Variants in PPARGC1A observed in about 807,000 individuals in gnomAD.
PPARGC1A encodes the protein PPARG coactivator 1 alpha.
A neutral mutation model predicts 88.7 loss-of-function variants in PPARGC1A; 25 were observed. The observed-to-expected ratio is 0.28, with a 90% CI of 0.21 to 0.39. The LOEUF (loss-of-function observed/expected upper bound fraction) is 0.39. Ranked by LOEUF, PPARGC1A falls within the 10% of genes least tolerant of loss-of-function variation. The pLI, the probability that PPARGC1A is intolerant of heterozygous loss-of-function variation, is 1.00. For synonymous variants in PPARGC1A, 363 were observed against 355.6 expected (o/e 1.02, Z -0.24); for missense variants, 880 against 968.7 (o/e 0.91, Z 1.22).
the PPARGC1A span, among the ~76,000 whole-genome samples, chr4:24,457,255 G>C: frequency 6.6e-6 from 1 of 152,168 alleles, no homozygotes; most frequent in Non-Finnish European, 1.5e-5. Flanking sequence ...CAGATGTGGG[G>C]AGGGAGAGTT....
At chr4:23,946,562 GAACTTA>G in the PPARGC1A span, among the ~76,000 whole-genome samples, 123,008 of 151,252 alleles carry the variant, frequency 0.81, 50,419 homozygotes, top group African/African-American at 0.84. Flanking sequence ...GGTGTGCCAG[GAACTTA>G]AACTTGACAG....
chr4:24,272,946 A>C, the PPARGC1A span, among the ~76,000 whole-genome samples: 1 of 152,240 alleles, frequency 6.6e-6, no homozygotes, highest in Non-Finnish European at 1.5e-5. Flanking sequence ...ATGCCAAATC[A>C]ATTAAAAACC....
At chr4:23,820,464 C>T (rs915175988) in intron 7 of PPARGC1A, 11 of 245,418 alleles carry the variant, frequency 4.5e-5, no homozygotes, top group South Asian at 3.7e-4. Context: ...TGGTTTAAAC[C>T]GTCACCTTGT....
At chr4:24,229,100 C>G in the PPARGC1A span, among the ~76,000 whole-genome samples, 1 of 146,428 alleles carries the variant, frequency 6.8e-6, no homozygotes, top group African/African-American at 2.5e-5. Context: ...CTGGGCCCCA[C>G]TTCCAGAAAT....
the PPARGC1A span, among the ~76,000 whole-genome samples, chr4:24,208,540 G>A: frequency 6.6e-6 from 1 of 151,778 alleles, no homozygotes; most frequent in Non-Finnish European, 1.5e-5. Flanking sequence ...AAATACACAC[G>A]TTTACTGACT....
At chr4:24,380,672 T>G in the PPARGC1A span, among the ~76,000 whole-genome samples, 4 of 152,092 alleles carry the variant, frequency 2.6e-5, no homozygotes, top group Non-Finnish European at 5.9e-5. Context: ...GGAGGATCCA[T>G]GGAAACAGAA....
At chr4:24,261,801 T>G in the PPARGC1A span, among the ~76,000 whole-genome samples, 1 of 152,184 alleles carries the variant, frequency 6.6e-6, no homozygotes, top group African/African-American at 2.4e-5. Flanking sequence ...CATGTCAATT[T>G]TTTTTCCTCC....
chr4:24,160,920 G>A, the PPARGC1A span, among the ~76,000 whole-genome samples: 1 of 152,258 alleles, frequency 6.6e-6, no homozygotes, highest in East Asian at 1.9e-4. Context: ...TTGGCTGAAG[G>A]CTTCAGAGGC....
the PPARGC1A span, among the ~76,000 whole-genome samples, chr4:24,073,233 G>A: frequency 6.6e-6 from 1 of 151,956 alleles, no homozygotes; most frequent in African/African-American, 2.4e-5. Context: ...TGGTAGAGAT[G>A]GGCTTTTCCC....
the PPARGC1A span, among the ~76,000 whole-genome samples, chr4:24,101,898 T>C: frequency 6.7e-6 from 1 of 150,250 alleles, no homozygotes; most frequent in Non-Finnish European, 1.5e-5. Flanking sequence ...GAAAAACACA[T>C]CCACGCCCTC....
the PPARGC1A span, among the ~76,000 whole-genome samples, chr4:24,328,857 T>G: frequency 6.6e-6 from 1 of 152,192 alleles, no homozygotes; most frequent in Admixed American, 6.5e-5. Flanking sequence ...CATGAACTGG[T>G]TAGTGCAGGT....
chr4:23,856,280 T>C (rs574476569), intron 2 of PPARGC1A, among the ~76,000 whole-genome samples: 8 of 152,322 alleles, frequency 5.3e-5, no homozygotes, highest in Admixed American at 2.6e-4. Flanking sequence ...AAGAATTCTC[T>C]GTGCTTATAT....
At position 23,813,111 on chromosome 4, in the gene PPARGC1A, T is replaced by C; in HGVS notation, c.1808A>G (p.Tyr603Cys). Reference sequence around the variant, plus strand: ...GCGGTGTCTGTAGTGGCTTGACTCATAGTAATAGCAGGATCTGCGCCAGAG... The same window carrying C: ...GCGGTGTCTGTAGTGGCTTGACTCACAGTAATAGCAGGATCTGCGCCAGAG... ...SRSSSRSCYY[Y>C]ESSHYRHRTH... The change falls in exon 9 of 13, where the codon TAT (tyrosine) becomes TGT (cysteine). Residue 603 changes from tyrosine to cysteine, a missense_variant. Transcript: ENST00000264867. The C allele has an allele frequency of 1.2e-6, 2 of 1,614,004 alleles. No homozygotes were observed. The highest frequency in any genetic ancestry group is 1.3e-5 in the African/African-American group (1 of 75,014).
intron 2 of PPARGC1A, among the ~76,000 whole-genome samples, chr4:23,846,855 GT>G (rs1307101816): frequency 2.6e-5 from 4 of 152,154 alleles, no homozygotes; most frequent in African/African-American, 9.7e-5. Context: ...TTGTATTTAT[GT>G]AAAGCCAAAA....
intron 2 of PPARGC1A, among the ~76,000 whole-genome samples, chr4:23,874,427 G>C (rs978211665): frequency 3.3e-5 from 5 of 152,146 alleles, no homozygotes; most frequent in Non-Finnish European, 7.3e-5. Flanking sequence ...GCTGACACTG[G>C]TTTGTATTTA....
the PPARGC1A span, among the ~76,000 whole-genome samples, chr4:24,462,725 A>G: frequency 1.3e-5 from 2 of 150,874 alleles, no homozygotes; most frequent in Admixed American, 6.7e-5. Context: ...GATGGACTCA[A>G]TATAATTTGC....
the PPARGC1A span, among the ~76,000 whole-genome samples, chr4:24,128,760 A>C: frequency 6.6e-6 from 1 of 152,338 alleles, no homozygotes; most frequent in African/African-American, 2.4e-5. Context: ...TCTTAAAAGC[A>C]GCTTCAGTCT....
the PPARGC1A span, among the ~76,000 whole-genome samples, chr4:24,175,043 TA>T: frequency 2.0e-5 from 3 of 152,178 alleles, no homozygotes; most frequent in African/African-American, 7.2e-5. Flanking sequence ...TATAACTTTC[TA>T]AAAGTAACTA....
the PPARGC1A span, among the ~76,000 whole-genome samples, chr4:24,355,433 C>T: frequency 6.6e-6 from 1 of 152,316 alleles, no homozygotes; most frequent in South Asian, 2.1e-4. Flanking sequence ...CTGCTCATAT[C>T]TTCTTGTATT....
Sources: gnomAD v4.1 joint callset for allele counts (sites outside exome capture counted in the v4.1 genomes callset) on GRCh38, gnomAD v4.1.1 for gene constraint, MANE v1.5 for transcripts, NCBI Gene and HGNC (gene_info 2026-07-23, HGNC 2026-07-21) for gene names.